Variants in ZDHHC11 observed in about 807,000 individuals in gnomAD.
ZDHHC11 encodes zDHHC palmitoyltransferase 11.
Under a neutral mutation model 51.3 loss-of-function variants are expected in ZDHHC11, and 44 were observed. That is an observed-to-expected ratio of 0.86 (90% CI 0.67 to 1.10). The LOEUF is 1.10. Ranked by LOEUF, ZDHHC11 falls within the 50% of genes least tolerant of loss-of-function variation. The probability of loss-of-function intolerance (pLI) is 0.00; values close to 1 mark genes in which losing one functional copy is unlikely to be tolerated. For missense variants in ZDHHC11, 400 were observed against 537.7 expected (o/e 0.74, Z 2.53); for synonymous variants, 163 against 222.0 (o/e 0.73, Z 2.36).
chr5:858,799 C>T (rs571432429), intron 1 of ZDHHC11, among the ~76,000 whole-genome samples: 1 of 152,120 alleles, frequency 6.6e-6, no homozygotes, highest in South Asian at 2.1e-4. Flanking sequence ...GCCTTTACTG[C>T]TTGACTCCTT....
chr5:808,984 T>TACACAC lies in ZDHHC11; in HGVS notation c.1181+5771_1181+5776dup, dbSNP rs56961185. ...CATGCTCCATCTTTTGACCATCAGTTACACACACACACACACACACACACA... is the reference window on the plus strand; with the variant it reads ...CATGCTCCATCTTTTGACCATCAGTTACACACACACACACACACACACACACACACA... On this transcript the variant is annotated intron_variant, in intron 11 of 12. Coordinates refer to ENST00000283441, the MANE Select transcript of ZDHHC11 (RefSeq NM_024786.3). Among the ~76,000 whole-genome samples the TACACAC allele has an allele frequency of 1.4e-3, 183 of 133,824 alleles. 4 individuals are homozygous for TACACAC. Among genetic ancestry groups the TACACAC allele is most frequent in the African/African-American group, 3.6e-3 (128 of 35,456 alleles). 87.8% of individuals were successfully genotyped at this position (133,824 alleles called of 152,430 possible). A position where few individuals can be genotyped will look rare whatever the true frequency, so the allele number is the denominator to read the frequency against.
intron 5 of ZDHHC11, chr5:839,437 G>A (rs2150387488): frequency 7.1e-6 from 1 of 140,200 alleles, no homozygotes; most frequent in African/African-American, 2.7e-5. Context: ...TCTGAAAACA[G>A]CACATTCAGC....
intron 3 of ZDHHC11, among the ~76,000 whole-genome samples, chr5:845,568 G>A (rs1245800025): frequency 2.6e-5 from 4 of 152,256 alleles, no homozygotes; most frequent in East Asian, 1.9e-4. Context: ...CCTTCTTTCC[G>A]TCCCCCTTCC....
intron 11 of ZDHHC11, among the ~76,000 whole-genome samples, chr5:803,875 A>G (rs1222688087): frequency 6.7e-6 from 1 of 150,298 alleles, no homozygotes; most frequent in Non-Finnish European, 1.5e-5. Flanking sequence ...AGTTCATTAG[A>G]AGAGTTCAAC....
In ZDHHC11 at chr5:819,527, G is replaced by A; in HGVS notation, c.1144C>T (p.Gln382Ter). 1 of 1,609,266 alleles carries A rather than the reference G, an allele frequency of 6.2e-7. No homozygotes were observed. Among genetic ancestry groups the A allele is most frequent in the Non-Finnish European group, 8.5e-7 (1 of 1,176,188 alleles). ...CAGCGCCAGTGATTGCAACTTACCT[G>A]TGCCATCGAGCCCCCGTCTGGGTGT... ...RVHPDGGSMA[Q>*]EADDAPSIST... Residue 382 changes from glutamine to a stop codon, truncating the protein, a stop_gained and splice_region_variant, in exon 10 of 13, where the codon CAG becomes TAG. Transcript: ENST00000283441. LOFTEE classifies it high-confidence loss of function.
At chr5:819,385 T>C in intron 10 of ZDHHC11, 140 bp downstream of exon 10, 2 of 845,176 alleles carry the variant, frequency 2.4e-6, no homozygotes, top group Non-Finnish European at 1.9e-6. Flanking sequence ...CCACCCACCA[T>C]CATTCCCATG....
chr5:838,012 G>A (rs1270502229), intron 5 of ZDHHC11, among the ~76,000 whole-genome samples: 4 of 151,918 alleles, frequency 2.6e-5, no homozygotes, highest in African/African-American at 4.8e-5. Flanking sequence ...CGGCCACCCC[G>A]AGGTGCTGGC....
In ZDHHC11 at chr5:825,268, G is replaced by C. The variant is rs756799738; in HGVS notation, c.936-17C>G. ...GCTTTGACTCTGGTGGGACAGAAAG[G>C]AGGAGAGAAACTCATCTCAGCTTTG... On this transcript the variant is annotated splice_polypyrimidine_tract_variant and intron_variant, in intron 7 of 12. Transcript: ENST00000283441. 5 of 1,609,972 alleles carry C rather than the reference G, an allele frequency of 3.1e-6. No individual in the cohort carries two copies. The Admixed American group carries it at 6.7e-5, about 21-fold the overall frequency.
intron 3 of ZDHHC11, among the ~76,000 whole-genome samples, chr5:845,731 C>T (rs1356269762): frequency 6.6e-6 from 1 of 151,718 alleles, no homozygotes; most frequent in East Asian, 1.9e-4. Flanking sequence ...AATGCCGTTG[C>T]TCTCTCCGCC....
At chr5:816,724 A>C (rs564466517) in intron 10 of ZDHHC11, 11 of 549,932 alleles carry the variant, frequency 2.0e-5, no homozygotes, top group Admixed American at 1.7e-4. Context: ...GACCTCATCT[A>C]AGGAGAAGAC....
At chr5:813,327 CAAAAAAAT>C (rs1554051897) in intron 11 of ZDHHC11, among the ~76,000 whole-genome samples, 16 of 140,604 alleles carry the variant, frequency 1.1e-4, no homozygotes, top group African/African-American at 4.2e-4. Flanking sequence ...GACCCTGTCT[CAAAAAAAT>C]AAAAAAATAA....
At chr5:851,826 C>A (rs1445638085), upstream of ZDHHC11, among the ~76,000 whole-genome samples, 1 of 152,174 alleles carries the variant, frequency 6.6e-6, no homozygotes, top group Admixed American at 6.5e-5. Context: ...GAAGCCGAGG[C>A]GTGCCTATCA....
At chr5:836,856 T>A (rs1311166099) in intron 6 of ZDHHC11, among the ~76,000 whole-genome samples, 1 of 149,666 alleles carries the variant, frequency 6.7e-6, no homozygotes, top group Non-Finnish European at 1.5e-5. Flanking sequence ...AGGCCAGAAG[T>A]TTGAGACCAG....
intron 8 of ZDHHC11, chr5:823,919 TG>T: frequency 2.6e-6 from 1 of 387,398 alleles, no homozygotes; most frequent in South Asian, 1.9e-5. Context: ...CAGGGTGGGC[TG>T]GGGGCTCAAT....
chr5:850,910 G>C lies in ZDHHC11; in HGVS notation c.-308C>G. 1 of 438,174 alleles carries C rather than the reference G, an allele frequency of 2.3e-6. No individual in the cohort carries two copies. The highest frequency in any genetic ancestry group is 2.9e-5 in the South Asian group (1 of 34,614). 27.1% of individuals were successfully genotyped at this position (438,174 alleles called of 1,614,324 possible). A position where few individuals can be genotyped will look rare whatever the true frequency, so the allele number is the denominator to read the frequency against. On this transcript the variant is annotated 5_prime_UTR_variant, in exon 1 of 13. Transcript: ENST00000283441. Reference sequence around the variant, plus strand: ...CCAGTGCCCGCGCGACCGCCCATCAGTTCCCCTGAGGATTTGTTACGTTCT... The same window carrying C: ...CCAGTGCCCGCGCGACCGCCCATCACTTCCCCTGAGGATTTGTTACGTTCT...
chr5:817,333 A>C (rs1408406705), intron 10 of ZDHHC11, among the ~76,000 whole-genome samples: 2 of 151,576 alleles, frequency 1.3e-5, no homozygotes, highest in African/African-American at 4.8e-5. Flanking sequence ...TTCAATTTTA[A>C]AAAATTATTA....
At chr5:821,285 C>T (rs766273894) in intron 9 of ZDHHC11, 3 of 151,676 alleles carry the variant, frequency 2.0e-5, no homozygotes, top group Non-Finnish European at 4.4e-5. Flanking sequence ...GACATTGGAG[C>T]GACCTCACGG....
Position 856,453 on chromosome 5 carries a change from A to T in ZDHHC11, c.-1+2421T>A, listed in dbSNP as rs955532657. ...ACAACACACATCATACAGATTACAC[A>T]CCACACCACACGAAACACACGAGAC... On this transcript the variant is annotated intron_variant, in intron 1 of 3. Transcript: ENST00000685990. Among the ~76,000 whole-genome samples the T allele has an allele frequency of 2.7e-5, 4 of 147,908 alleles. No individual in the cohort carries two copies. In the East Asian group the frequency reaches 8.1e-4, roughly 30 times the overall value.
chr5:807,447 T>A (rs1432485676), intron 11 of ZDHHC11, among the ~76,000 whole-genome samples: 1 of 151,418 alleles, frequency 6.6e-6, no homozygotes, highest in African/African-American at 2.4e-5. Context: ...AGACTCTGCT[T>A]TTGTTGTTGG....
Sources: gnomAD v4.1 joint callset for allele counts (sites outside exome capture counted in the v4.1 genomes callset) on GRCh38, gnomAD v4.1.1 for gene constraint, MANE v1.5 for transcripts, NCBI Gene and HGNC (gene_info 2026-07-23, HGNC 2026-07-21) for gene names.